ATG5: variants seen among roughly 807,000 people sequenced by gnomAD.
ATG5 encodes the protein autophagy related 5.
In ATG5, 14 loss-of-function variants were observed where a neutral mutation model predicts 36.5. The ratio of observed to expected loss-of-function variants is 0.38; its 90% CI spans 0.25 to 0.60. ATG5 has a LOEUF of 0.60. ATG5 is among the 20% of genes least tolerant of loss of function. The pLI is 0.60. For missense variants in ATG5, 195 were observed against 326.7 expected (o/e 0.60, Z 3.11); for synonymous variants, 95 against 101.5 (o/e 0.94, Z 0.38).
In ATG5 at chr6:106,298,210, C is replaced by T. The variant is rs893136703; in HGVS notation, c.237-5104G>A. Among the ~76,000 whole-genome samples, 28 of 152,090 alleles carry T rather than the reference C, an allele frequency of 1.8e-4. 2 individuals carry two copies. In the South Asian group the frequency reaches 2.3e-3, roughly 12 times the overall value. Reference sequence around the variant, plus strand: ...TTCTGACCTCATGATCTGTCCGCCTCGGCCTCCCAAAGTGCTGGGATTACA... The same window carrying T: ...TTCTGACCTCATGATCTGTCCGCCTTGGCCTCCCAAAGTGCTGGGATTACA... On this transcript the variant is annotated intron_variant, in intron 3 of 7. Coordinates refer to ENST00000369076, the MANE Select transcript of ATG5 (RefSeq NM_004849.4).
At chr6:106,206,217 CAGGG>C (rs1445169619) in intron 6 of ATG5, among the ~76,000 whole-genome samples, 7 of 131,048 alleles carry the variant, frequency 5.3e-5, no homozygotes, top group Non-Finnish European at 6.2e-5. Flanking sequence ...AAAGAGGCCC[CAGGG>C]AGCTTGTAAG....
chr6:106,284,881 T>A (rs1028987421), intron 4 of ATG5, among the ~76,000 whole-genome samples: 1 of 152,188 alleles, frequency 6.6e-6, no homozygotes, highest in Admixed American at 6.5e-5. Context: ...ATTTCCATAT[T>A]CCGTATATTA....
chr6:106,217,059 A>G (rs1777069858), intron 6 of ATG5, among the ~76,000 whole-genome samples: 1 of 152,076 alleles, frequency 6.6e-6, no homozygotes, highest in Non-Finnish European at 1.5e-5. Flanking sequence ...ATCATACCTT[A>G]TGTTTGTTTT....
At chr6:106,203,814 T>C (rs578025759) in intron 6 of ATG5, among the ~76,000 whole-genome samples, 1 of 152,282 alleles carries the variant, frequency 6.6e-6, no homozygotes, top group African/African-American at 2.4e-5. Flanking sequence ...TTTATAAGAA[T>C]ATGACTTCAA....
At chr6:106,324,842 A>G (rs1771229359) in intron 1 of ATG5, among the ~76,000 whole-genome samples, 1 of 152,248 alleles carries the variant, frequency 6.6e-6, no homozygotes, top group South Asian at 2.1e-4. Flanking sequence ...AGTTCAGTTC[A>G]GAGCCAAGTA....
chr6:106,235,975 T>A (rs1250339387), intron 6 of ATG5, among the ~76,000 whole-genome samples: 2 of 152,198 alleles, frequency 1.3e-5, no homozygotes, highest in African/African-American at 2.4e-5. Flanking sequence ...TGTCCCTTAC[T>A]GGTTGGGTCC....
At chr6:106,248,377 A>C (rs1778433558) in intron 5 of ATG5, 133 bp from the exon 6 acceptor site, 2 of 561,066 alleles carry the variant, frequency 3.6e-6, no homozygotes, top group East Asian at 5.9e-5. Context: ...TCTTATTTTT[A>C]TTAAACTTAT....
intron 1 of ATG5, among the ~76,000 whole-genome samples, chr6:106,324,228 C>CT (rs1562276381): frequency 6.6e-6 from 1 of 152,148 alleles, no homozygotes; most frequent in Admixed American, 6.5e-5. Context: ...TGTATAGACT[C>CT]TTTTTTGTCA....
intron 1 of ATG5, among the ~76,000 whole-genome samples, chr6:106,318,815 T>C (rs935240167): frequency 6.6e-6 from 1 of 152,372 alleles, no homozygotes; most frequent in African/African-American, 2.4e-5. Flanking sequence ...TCAATATTAA[T>C]GCTTACCTAT....
At chr6:106,306,159 T>C (rs1228711931) in intron 3 of ATG5, among the ~76,000 whole-genome samples, 1 of 152,174 alleles carries the variant, frequency 6.6e-6, no homozygotes, top group Non-Finnish European at 1.5e-5. Flanking sequence ...TAAAAGACTT[T>C]CCAAAGGGAT....
chr6:106,186,770 G>A, intron 7 of ATG5, 94 bp from the exon 8 acceptor site: 5 of 1,405,174 alleles, frequency 3.6e-6, no homozygotes, highest in Non-Finnish European at 4.9e-6. Context: ...TGCATTAAAT[G>A]GATTTTAAAC....
At chr6:106,192,358 G>A (rs991551040) in intron 7 of ATG5, among the ~76,000 whole-genome samples, 1 of 151,824 alleles carries the variant, frequency 6.6e-6, no homozygotes, top group African/African-American at 2.4e-5. Context: ...TATTACTAAT[G>A]GCTACTAATT....
At chr6:106,288,636 T>C (rs1381451414) in intron 4 of ATG5, among the ~76,000 whole-genome samples, 1 of 152,204 alleles carries the variant, frequency 6.6e-6, no homozygotes, top group Admixed American at 6.5e-5. Flanking sequence ...CAACATGTGG[T>C]CTGGTGGAAC....
At chr6:106,197,775 T>C (rs945715180) in intron 7 of ATG5, among the ~76,000 whole-genome samples, 1 of 152,182 alleles carries the variant, frequency 6.6e-6, no homozygotes, top group Non-Finnish European at 1.5e-5. Context: ...AGTAGAGCTG[T>C]GAGTTAAATA....
intron 6 of ATG5, among the ~76,000 whole-genome samples, chr6:106,237,015 A>G (rs961236644): frequency 6.6e-6 from 1 of 152,168 alleles, no homozygotes; most frequent in Non-Finnish European, 1.5e-5. Flanking sequence ...CTAATTCTTG[A>G]GCCTCTGGTT....
chr6:106,231,294 A>C (rs1430049138), intron 6 of ATG5, among the ~76,000 whole-genome samples: 2 of 152,240 alleles, frequency 1.3e-5, no homozygotes, highest in Non-Finnish European at 2.9e-5. Context: ...TGTTACTGCT[A>C]AATCAGACAC....
At chr6:106,229,414 CAGAGAG>C (rs377704575) in intron 6 of ATG5, among the ~76,000 whole-genome samples, 3 of 148,960 alleles carry the variant, frequency 2.0e-5, no homozygotes, top group Admixed American at 2.0e-4. Context: ...CAGACAGAGA[CAGAGAG>C]AGAGAGAGAC....
chr6:106,202,013 T>A lies in ATG5; in HGVS notation c.650A>T (p.Asp217Val). ...AGAAGGACAAACTTCTTTGAGGAGA[T>A]CTCCTAGTGTGTGCAACTGTCCATC... ...AADGQLHTLG[D>V]LLKEVCPSAI... is the part of the protein sequence containing the mutation. The change falls in exon 7 of 8, where the codon GAT (aspartate) becomes GTT (valine). Residue 217 changes from aspartate to valine, a missense_variant. Transcript: ENST00000369076. The A allele has an allele frequency of 6.2e-7, 1 of 1,612,962 alleles. No homozygotes were observed. The highest frequency in any genetic ancestry group is 8.5e-7 in the Non-Finnish European group (1 of 1,179,328).
chr6:106,244,066 C>T (rs1465370429), intron 6 of ATG5, among the ~76,000 whole-genome samples: 1 of 151,762 alleles, frequency 6.6e-6, no homozygotes, highest in African/African-American at 2.4e-5. Context: ...AGGTGCTTAC[C>T]ACCCCATCCG....
Sources: gnomAD v4.1 joint callset for allele counts (sites outside exome capture counted in the v4.1 genomes callset) on GRCh38, gnomAD v4.1.1 for gene constraint, MANE v1.5 for transcripts, NCBI Gene and HGNC (gene_info 2026-07-23, HGNC 2026-07-21) for gene names.